Variants in FGF2 observed in about 807,000 individuals in gnomAD.
The protein encoded by FGF2 is fibroblast growth factor 2.
In FGF2, 13 loss-of-function variants were observed where a neutral mutation model predicts 15.9. That is an observed-to-expected ratio of 0.82 (90% CI 0.53 to 1.30). The LOEUF (loss-of-function observed/expected upper bound fraction) is 1.30, where lower values mean the gene tolerates loss of function less well. FGF2 is among the 50% of genes most tolerant of loss of function. The probability of loss-of-function intolerance (pLI) is 0.00; values close to 1 mark genes in which losing one functional copy is unlikely to be tolerated. For missense variants in FGF2, 163 were observed against 196.9 expected, an observed-to-expected ratio of 0.83 and a Z score of 1.03; for synonymous variants, 90 against 78.4, an observed-to-expected ratio of 1.15 and a Z score of -0.78.
chr4:122,844,586 T>TCTTTCTTTCTTTCTTCCTTCCTTC (rs1419377686), intron 1 of FGF2, among the ~76,000 whole-genome samples: 7 of 133,872 alleles, frequency 5.2e-5, no homozygotes, highest in African/African-American at 2.0e-4. Context: ...TTTCTTTCTT[T>TCTTTCTTTCTTTCTTCCTTCCTTC]CTTCCTTCCT....
At chr4:122,842,170 C>G (rs974726044) in intron 1 of FGF2, among the ~76,000 whole-genome samples, 1 of 152,094 alleles carries the variant, frequency 6.6e-6, no homozygotes, top group East Asian at 1.9e-4. Flanking sequence ...ACAGCAGAAC[C>G]TTTCTAAAGA....
In FGF2 at chr4:122,830,982, G is replaced by A. The variant is rs190172089; in HGVS notation, c.178+3630G>A. On this transcript the variant is annotated intron_variant, in intron 1 of 2. Transcript: ENST00000644866. ...CCTGCCCACCCCAGTGTGGAGCAGG[G>A]GTGGCTTGTAGGTGGGCCTGACCCC... Among the ~76,000 whole-genome samples, 300 of 152,170 alleles carry A rather than the reference G, an allele frequency of 2.0e-3. 4 individuals are homozygous for A. Among genetic ancestry groups the A allele is most frequent in the Middle Eastern group, 0.017 (5 of 292 alleles).
intron 1 of FGF2, among the ~76,000 whole-genome samples, chr4:122,832,480 C>T (rs1474246130): frequency 6.6e-6 from 1 of 152,188 alleles, no homozygotes; most frequent in East Asian, 1.9e-4. Flanking sequence ...CTCCAGACCT[C>T]AGGTTATCTG....
intron 2 of FGF2, among the ~76,000 whole-genome samples, chr4:122,878,737 A>G (rs1726906082): frequency 6.6e-6 from 1 of 152,194 alleles, no homozygotes; most frequent in African/African-American, 2.4e-5. Context: ...TCATGTTCTG[A>G]TCCTGGCAAT....
chr4:122,842,128 C>T (rs1725996651), intron 1 of FGF2, among the ~76,000 whole-genome samples: 1 of 152,200 alleles, frequency 6.6e-6, no homozygotes, highest in South Asian at 2.1e-4. Context: ...AGTTAAAGCA[C>T]ACAGTTCTGC....
intron 1 of FGF2, among the ~76,000 whole-genome samples, chr4:122,867,231 A>G (rs985044259): frequency 5.3e-5 from 8 of 152,226 alleles, no homozygotes; most frequent in African/African-American, 1.9e-4. Flanking sequence ...CAATGCTGTG[A>G]TTATAGTAAA....
intron 1 of FGF2, among the ~76,000 whole-genome samples, chr4:122,836,357 G>A (rs2150763444): frequency 6.6e-6 from 1 of 152,272 alleles, no homozygotes; most frequent in South Asian, 2.1e-4. Context: ...TCCTTAAGCT[G>A]AAATGTCCTG....
At chr4:122,844,480 G>C (rs1398318148) in intron 1 of FGF2, among the ~76,000 whole-genome samples, 1 of 152,052 alleles carries the variant, frequency 6.6e-6, no homozygotes, top group Non-Finnish European at 1.5e-5. Flanking sequence ...AAATACTCTT[G>C]ATGGCATCTA....
intron 1 of FGF2, among the ~76,000 whole-genome samples, chr4:122,858,865 A>G (rs1241566423): frequency 6.6e-6 from 1 of 152,238 alleles, no homozygotes; most frequent in Non-Finnish European, 1.5e-5. Flanking sequence ...TTTAGATCCA[A>G]GGAGACTACT....
intron 1 of FGF2, among the ~76,000 whole-genome samples, chr4:122,832,771 G>A (rs980487673): frequency 2.0e-5 from 3 of 152,120 alleles, no homozygotes; most frequent in Admixed American, 6.5e-5. Context: ...ATTAGAAAAT[G>A]CACTTATGGC....
rs191926326 is a variant in FGF2 at position 122,854,129 on chromosome 4, C to A, written c.179-22192C>A. Among the ~76,000 whole-genome samples the A allele has an allele frequency of 2.1e-3, 317 of 152,174 alleles. 1 individual carries two copies. The highest frequency in any genetic ancestry group is 7.2e-3 in the African/African-American group (300 of 41,524). The stretch of plus-strand genomic sequence containing the variant: ...ATATTTTCTTTTTTAGATCTGCAAG[C>A]CTTTTGGATGTGAGAAGATTTTTTA... On this transcript the variant is annotated intron_variant, in intron 1 of 2. Coordinates refer to ENST00000644866, the MANE Select transcript of FGF2 (RefSeq NM_001361665.2).
In FGF2 at chr4:122,893,638, T is replaced by C. The variant is rs1727258057; in HGVS notation, c.*1242T>C. The C allele has an allele frequency of 6.4e-6, 1 of 155,140 alleles. No homozygotes were observed. 9.6% of individuals were successfully genotyped at this position (155,140 alleles called of 1,614,324 possible). ...ATTCATTTCTTCAACACCGAAATGC[T>C]GGAGGTGTTTGATCAGTTTTCAAGA... On this transcript the variant is annotated 3_prime_UTR_variant, in exon 3 of 3. Coordinates refer to ENST00000644866, the MANE Select transcript of FGF2 (RefSeq NM_001361665.2).
In FGF2 at chr4:122,827,235, T is replaced by C; in HGVS notation, c.61T>C (p.Phe21Leu). Reference sequence around the variant, plus strand: ...GCCCGAGGATGGCGGCAGCGGCGCCTTCCCGCCCGGCCACTTCAAGGACCC... The same window carrying C: ...GCCCGAGGATGGCGGCAGCGGCGCCCTCCCGCCCGGCCACTTCAAGGACCC... ...ALPEDGGSGA[F>L]PPGHFKDPKR... The change falls in exon 1 of 3, where the codon TTC becomes CTC. Residue 21 changes from phenylalanine to leucine, a missense_variant. Phe to Leu is a conservative substitution (Grantham distance 22, BLOSUM62 0). Transcript: ENST00000644866. This position sits in a 1 kb window ranked among gnomAD's most constrained non-coding sequence, Gnocchi z 4.2. 1 of 1,611,516 alleles carries C rather than the reference T, an allele frequency of 6.2e-7. No homozygotes were observed. Among genetic ancestry groups the C allele is most frequent in the South Asian group, 1.1e-5 (1 of 90,974 alleles).
chr4:122,826,785 G>A (rs1725635497), upstream of FGF2: 1 of 1,383,284 alleles, frequency 7.2e-7, no homozygotes. Context: ...GCTGGTGGGT[G>A]TGGGGGGTGG....
chr4:122,874,321 A>AT (rs1158922347), intron 1 of FGF2, among the ~76,000 whole-genome samples: 1 of 152,158 alleles, frequency 6.6e-6, no homozygotes, highest in Non-Finnish European at 1.5e-5. Context: ...CATACCCTTC[A>AT]TTGTTTGGGT....
chr4:122,869,806 T>C (rs1726690505), intron 1 of FGF2, among the ~76,000 whole-genome samples: 1 of 152,204 alleles, frequency 6.6e-6, no homozygotes, highest in Non-Finnish European at 1.5e-5. Flanking sequence ...ACTTCCTCTC[T>C]TCCTATTTCA....
At chr4:122,885,673 A>G (rs986717447) in intron 2 of FGF2, among the ~76,000 whole-genome samples, 7 of 152,296 alleles carry the variant, frequency 4.6e-5, no homozygotes, top group Middle Eastern at 3.4e-3. Context: ...GTCGCAACTA[A>G]TGAACCCATA....
chr4:122,851,514 A>G (rs573825374), intron 1 of FGF2, among the ~76,000 whole-genome samples: 4 of 152,324 alleles, frequency 2.6e-5, no homozygotes, highest in Non-Finnish European at 5.9e-5. Flanking sequence ...CCTAAAGCAA[A>G]TAGGCATGTG....
Position 122,893,344 on chromosome 4 carries a change from AAAGTT to A in FGF2, c.*949_*953del. ...GCTCAAAACATTACCCTAACAAAGT[AAAGTT>A]TTCAATACAAATTCTTTGCCTTGTG... On this transcript the variant is annotated 3_prime_UTR_variant, in exon 3 of 3. Transcript: ENST00000644866. 3 of 916,646 alleles carry A rather than the reference AAAGTT, an allele frequency of 3.3e-6. No individual in the cohort carries two copies. Among genetic ancestry groups the A allele is most frequent in the South Asian group, 2.3e-5 (1 of 43,102 alleles). The allele number at this position is 916,646 out of a possible 1,614,324, so 56.8% of individuals were successfully genotyped here.
Sources: allele counts gnomAD v4.1 joint callset (sites outside exome capture counted in the v4.1 genomes callset), GRCh38; gene constraint gnomAD v4.1.1; non-coding constraint Gnocchi (gnomAD v3.1); transcripts MANE v1.5; gene names NCBI Gene and HGNC (gene_info 2026-07-23, HGNC 2026-07-21).